Variants in DIP2B observed in about 807,000 individuals in gnomAD.
The protein encoded by DIP2B is DIP2 acetate--CoA ligase B (putative).
Under a neutral mutation model 198.0 loss-of-function variants are expected in DIP2B, and 76 were observed. That is an observed-to-expected ratio of 0.38 (90% CI 0.32 to 0.46). The LOEUF (loss-of-function observed/expected upper bound fraction) is 0.46, where lower values mean the gene tolerates loss of function less well. Among genes scored for constraint, DIP2B ranks in the 20% least tolerant of loss-of-function variants. The pLI is 0.99. For synonymous variants in DIP2B, 701 were observed against 739.1 expected, an observed-to-expected ratio of 0.95 and a Z score of 0.84; for missense variants, 1,559 against 1,978.4, an observed-to-expected ratio of 0.79 and a Z score of 4.02.
At position 50,543,783 on chromosome 12, in the gene DIP2B, G is replaced by T. The variant is rs188187290; in HGVS notation, c.100+38543G>T. 2.4e-4 allele frequency among the ~76,000 whole-genome samples: 37 copies of T among 151,862 alleles called. 1 individual carries two copies. The highest frequency in any genetic ancestry group is 3.9e-4 in the East Asian group (2 of 5,088). ...TACTAATAATACAAACATTAGCTGG[G>T]CATAGTGGCACACGCCTGTAGTCCC... On this transcript the variant is annotated intron_variant, in intron 1 of 37. Coordinates refer to ENST00000301180, the MANE Select transcript of DIP2B (RefSeq NM_173602.3).
intron 7 of DIP2B, 121 bp from the exon 8 acceptor site, chr12:50,678,558 C>A: frequency 9.3e-7 from 1 of 1,080,414 alleles, no homozygotes; most frequent in Non-Finnish European, 1.3e-6. Flanking sequence ...TGTCCTTTCT[C>A]AAAGTGAGTT....
intron 35 of DIP2B, among the ~76,000 whole-genome samples, chr12:50,738,593 C>T (rs1303279628): frequency 2.0e-5 from 3 of 152,274 alleles, no homozygotes; most frequent in South Asian, 2.1e-4. Flanking sequence ...AAGTGATTCT[C>T]CTGCCTCAGC....
At chr12:50,644,544 T>A (rs1938317105) in intron 3 of DIP2B, among the ~76,000 whole-genome samples, 1 of 152,228 alleles carries the variant, frequency 6.6e-6, no homozygotes, top group African/African-American at 2.4e-5. Flanking sequence ...GTGACTTCTT[T>A]ATCAAAGATC....
intron 1 of DIP2B, among the ~76,000 whole-genome samples, chr12:50,558,053 A>C (rs1958486018): frequency 6.6e-6 from 1 of 151,362 alleles, no homozygotes; most frequent in South Asian, 2.1e-4. Flanking sequence ...AACAAATGTC[A>C]ACACAATGCA....
chr12:50,697,565 AG>A (rs1939338605), intron 17 of DIP2B, among the ~76,000 whole-genome samples: 1 of 71,300 alleles, frequency 1.4e-5, no homozygotes, highest in Non-Finnish European at 2.5e-5. Flanking sequence ...TTTTTTAGAT[AG>A]GATCTCTCTT....
chr12:50,522,447 A>G (rs528196615), intron 1 of DIP2B, among the ~76,000 whole-genome samples: 5 of 152,326 alleles, frequency 3.3e-5, no homozygotes, highest in African/African-American at 1.2e-4. Flanking sequence ...AGGACTTTCC[A>G]TTGCAGGGCG....
Position 50,530,524 on chromosome 12 carries a change from T to G in DIP2B, c.100+25284T>G, listed in dbSNP as rs180800035. Among the ~76,000 whole-genome samples, 9 of 152,320 alleles carry G rather than the reference T, an allele frequency of 5.9e-5. 1 individual carries two copies. Among genetic ancestry groups the G allele is most frequent in the African/African-American group, 2.2e-4 (9 of 41,570 alleles). On this transcript the variant is annotated intron_variant, in intron 1 of 37. Transcript: ENST00000301180. ...GCCTTAGAGGAGAATAGTTTCAGGT[T>G]GCTGTGTCACACAACCAAGTGATAC...
intron 1 of DIP2B, among the ~76,000 whole-genome samples, chr12:50,578,074 C>A (rs992589639): frequency 6.6e-6 from 1 of 152,190 alleles, no homozygotes; most frequent in Non-Finnish European, 1.5e-5. Context: ...TGCAGTGGCA[C>A]AATCTTGGCT....
intron 36 of DIP2B, among the ~76,000 whole-genome samples, chr12:50,739,873 C>A (rs756665213): frequency 1.3e-5 from 2 of 152,228 alleles, no homozygotes; most frequent in Non-Finnish European, 2.9e-5. Flanking sequence ...TCAGTCCCTG[C>A]AGGGCTGATT....
At chr12:50,692,579 T>C (rs559644072) in intron 13 of DIP2B, among the ~76,000 whole-genome samples, 1 of 152,302 alleles carries the variant, frequency 6.6e-6, no homozygotes, top group South Asian at 2.1e-4. Context: ...GGCTTATGTC[T>C]GTAATCCCAG....
At chr12:50,599,960 A>G (rs754451086) in intron 1 of DIP2B, among the ~76,000 whole-genome samples, 8 of 152,242 alleles carry the variant, frequency 5.3e-5, no homozygotes, top group Non-Finnish European at 7.3e-5. Context: ...TTATATTCAC[A>G]TTCAACTGCT....
intron 23 of DIP2B, among the ~76,000 whole-genome samples, chr12:50,717,799 G>T (rs1939757300): frequency 6.6e-6 from 1 of 151,970 alleles, no homozygotes; most frequent in South Asian, 2.1e-4. Flanking sequence ...TGTTGCCCAG[G>T]CTGGTCACAA....
intron 1 of DIP2B, among the ~76,000 whole-genome samples, chr12:50,608,271 G>A (rs1185346093): frequency 6.6e-6 from 1 of 152,110 alleles, no homozygotes; most frequent in African/African-American, 2.4e-5. Flanking sequence ...AAACAAAAAT[G>A]CAATTTAGAA....
At chr12:50,632,376 G>A (rs1251293834) in intron 2 of DIP2B, among the ~76,000 whole-genome samples, 1 of 149,664 alleles carries the variant, frequency 6.7e-6, no homozygotes, top group African/African-American at 2.5e-5. Flanking sequence ...CTACTTGGGA[G>A]GCTGAAGCAG....
At chr12:50,676,256 G>C (rs1309359418) in intron 7 of DIP2B, among the ~76,000 whole-genome samples, 1 of 152,204 alleles carries the variant, frequency 6.6e-6, no homozygotes, top group Non-Finnish European at 1.5e-5. Flanking sequence ...AGCTTTTGTT[G>C]AAAGAGCTAA....
At chr12:50,520,257 C>T (rs1488794948) in intron 1 of DIP2B, among the ~76,000 whole-genome samples, 4 of 151,966 alleles carry the variant, frequency 2.6e-5, no homozygotes, top group Non-Finnish European at 5.9e-5. Context: ...AGGCTGGTCT[C>T]AAACTCGTGA....
intron 1 of DIP2B, among the ~76,000 whole-genome samples, chr12:50,574,393 G>A (rs1487822823): frequency 6.6e-6 from 1 of 152,208 alleles, no homozygotes; most frequent in African/African-American, 2.4e-5. Context: ...GATGGTAAAG[G>A]AAGCAGCTTA....
intron 32 of DIP2B, 52 bp from the exon 33 acceptor site, chr12:50,734,083 G>A (rs1239209907): frequency 8.2e-6 from 13 of 1,592,832 alleles, no homozygotes; most frequent in Non-Finnish European, 1.1e-5. Context: ...TTGAAAATGT[G>A]AAATACAGTT....
chr12:50,643,217 A>C (rs768255747), intron 3 of DIP2B, among the ~76,000 whole-genome samples: 1 of 152,086 alleles, frequency 6.6e-6, no homozygotes, highest in Non-Finnish European at 1.5e-5. Flanking sequence ...TTTGAGCTTC[A>C]CCTGTTAAAA....
Sources: gnomAD v4.1 joint callset for allele counts (sites outside exome capture counted in the v4.1 genomes callset) on GRCh38, gnomAD v4.1.1 for gene constraint, MANE v1.5 for transcripts, NCBI Gene and HGNC (gene_info 2026-07-23, HGNC 2026-07-21) for gene names.